Variants in CELSR1 observed in about 807,000 individuals in gnomAD.
CELSR1 encodes cadherin EGF LAG seven-pass G-type receptor 1.
CELSR1 carries 110 observed loss-of-function variants against 249.1 expected under a neutral mutation model. The observed-to-expected ratio is 0.44, with a 90% confidence interval of 0.38 to 0.52. The LOEUF (loss-of-function observed/expected upper bound fraction) is 0.52. CELSR1 is among the 20% of genes least tolerant of loss of function. The pLI is 0.00. For synonymous variants in CELSR1, 2,113 were observed against 1,900.0 expected (o/e 1.11, Z -2.92); for missense variants, 4,109 against 4,296.4 (o/e 0.96, Z 1.22).
rs747755856 is a variant in CELSR1 at position 46,396,677 on chromosome 22, C to T, written c.5771G>A (p.Arg1924His). 1.2e-5 allele frequency: 20 copies of T among 1,612,570 alleles called. No homozygotes were observed. Among genetic ancestry groups the T allele is most frequent in the Admixed American group, 1.2e-4 (7 of 59,842 alleles). The change falls in exon 13 of 35, where the codon CGC becomes CAC. Residue 1924 changes from arginine to histidine, a missense_variant. Physicochemically the swap from Arg to His is conservative, Grantham distance 29. This residue lies in a region of CELSR1 where 1,805 missense variants were observed against 1,831.6 expected (regional missense o/e 0.99). Coordinates refer to ENST00000674500, the MANE Select transcript of CELSR1 (RefSeq NM_001378328.1). The surrounding 1 kb of genome is among the most constrained non-coding windows in gnomAD (Gnocchi z 6.4). ...GTAGCCCTGCGGGGAGCCGGGGGAG[C>T]GCACGCAGGCCCCCATGTTCTCGCA... The part of the protein sequence containing the change: ...NPCENMGACV[R>H]SPGSPQGYVC...
In CELSR1 at chr22:46,390,310, G is replaced by A. The variant is rs1317903430; in HGVS notation, c.6345+82C>T. On this transcript the variant is annotated intron_variant, in intron 17 of 34. Transcript: ENST00000674500. This position sits in a 1 kb window ranked among gnomAD's most constrained non-coding sequence, Gnocchi z 6.3. ...CGCCCCAACACTCCCCAGCCCAGGA[G>A]CCTCGGCCCACACAAACTCTCTCAC... 20 of 1,160,578 alleles carry A rather than the reference G, an allele frequency of 1.7e-5. No homozygotes were observed. The highest frequency in any genetic ancestry group is 1.2e-5 in the Non-Finnish European group (10 of 813,414). 71.9% of individuals were successfully genotyped at this position (1,160,578 alleles called of 1,614,324 possible). A position where few individuals can be genotyped will look rare whatever the true frequency, so the allele number is the denominator to read the frequency against.
At chr22:46,384,047 G>A (rs2079006460) in intron 20 of CELSR1, among the ~76,000 whole-genome samples, 1 of 151,944 alleles carries the variant, frequency 6.6e-6, no homozygotes, top group Non-Finnish European at 1.5e-5. Flanking sequence ...CAATTCTCAT[G>A]CCTCAGCCTC....
Position 46,471,522 on chromosome 22 carries a change from T to A in CELSR1, c.3545-7177A>T, listed in dbSNP as rs959481867. On this transcript the variant is annotated intron_variant, in intron 1 of 34. Transcript: ENST00000674500. This position sits in a 1 kb window ranked among gnomAD's most constrained non-coding sequence, Gnocchi z 4.9. ...CTCCTGCCTCAGCCTCCTGAGAAGC[T>A]AGGACTACAGGAGCATGCCACCATG... is the stretch of plus-strand genomic sequence containing the variant. Among the ~76,000 whole-genome samples the A allele has an allele frequency of 6.6e-6, 1 of 152,154 alleles. No individual in the cohort carries two copies. The highest frequency in any genetic ancestry group is 1.5e-5 in the Non-Finnish European group (1 of 68,032).
At position 46,423,911 on chromosome 22, in the gene CELSR1, G is replaced by A. The variant is rs2079508184; in HGVS notation, c.4611+9482C>T. ...GAATGGCTTGAACTCAGGAGGCGGA[G>A]GTTGCAGTGAGCCGAGATTGTGCCA... On this transcript the variant is annotated intron_variant, in intron 5 of 34. Transcript: ENST00000674500. This position sits in a 1 kb window ranked among gnomAD's most constrained non-coding sequence, Gnocchi z 5.6. 6.6e-6 allele frequency among the ~76,000 whole-genome samples: 1 copy of A among 152,232 alleles called. No individual in the cohort carries two copies. The highest frequency in any genetic ancestry group is 1.9e-4 in the East Asian group (1 of 5,176).
intron 27 of CELSR1, among the ~76,000 whole-genome samples, chr22:46,368,742 C>T (rs1049505064): frequency 2.0e-5 from 3 of 152,038 alleles, no homozygotes; most frequent in Non-Finnish European, 2.9e-5. Flanking sequence ...ACTGGAGGTT[C>T]CCTCTGTGCT....
In CELSR1 at chr22:46,362,900, C is replaced by T; in HGVS notation, c.*323G>A. The T allele has an allele frequency of 2.1e-6, 1 of 478,510 alleles. No homozygotes were observed. Among genetic ancestry groups the T allele is most frequent in the Non-Finnish European group, 3.7e-6 (1 of 267,226 alleles). The allele number at this position is 478,510 out of a possible 1,614,324, so 29.6% of individuals were successfully genotyped here. A position where few individuals can be genotyped will look rare whatever the true frequency, so the allele number is the denominator to read the frequency against. On this transcript the variant is annotated 3_prime_UTR_variant, in exon 35 of 35. Transcript: ENST00000674500. Reference sequence around the variant, plus strand: ...AGCCTCTGGGCCCAGTCTGGGGTCCCCTCTCAGTTCTGGCTTTGACTGCAG... The same window carrying T: ...AGCCTCTGGGCCCAGTCTGGGGTCCTCTCTCAGTTCTGGCTTTGACTGCAG...
rs1028040719 is a variant in CELSR1, at chr22:46,395,870, A to ACAGAGCC, written c.5843+728_5843+734dup. Among the ~76,000 whole-genome samples the ACAGAGCC allele has an allele frequency of 2.0e-5, 3 of 152,338 alleles. No homozygotes were observed. The highest frequency in any genetic ancestry group is 4.8e-5 in the African/African-American group (2 of 41,576). On this transcript the variant is annotated intron_variant, in intron 13 of 34. Transcript: ENST00000674500. This position sits in a 1 kb window ranked among gnomAD's most constrained non-coding sequence, Gnocchi z 5.5. Reference sequence around the variant, plus strand: ...ACCCAGCGATCCCCGTGCAAAGGGTACAGAGCCCAGAGCCCAGAGAGCACG... The same window carrying ACAGAGCC: ...ACCCAGCGATCCCCGTGCAAAGGGTACAGAGCCCAGAGCCCAGAGCCCAGAGAGCACG...
In CELSR1 at chr22:46,488,058, A is replaced by C. The variant is rs918208206; in HGVS notation, c.3545-23713T>G. On this transcript the variant is annotated intron_variant, in intron 1 of 34. Transcript: ENST00000674500. The surrounding 1 kb of genome is among the most constrained non-coding windows in gnomAD (Gnocchi z 4.7). ...CAGGGTGCTGACAGGATCAGCTGACAGGGGCGTGAGGGAGGGGTGTCAAGT... is the reference window on the plus strand; with the variant it reads ...CAGGGTGCTGACAGGATCAGCTGACCGGGGCGTGAGGGAGGGGTGTCAAGT... Among the ~76,000 whole-genome samples, 1 of 131,762 alleles carries C rather than the reference A, an allele frequency of 7.6e-6. No homozygotes were observed. Among genetic ancestry groups the C allele is most frequent in the African/African-American group, 3.1e-5 (1 of 32,174 alleles). 86.4% of individuals were successfully genotyped at this position (131,762 alleles called of 152,430 possible).
chr22:46,466,517 G>C (rs552173355), intron 1 of CELSR1, among the ~76,000 whole-genome samples: 1 of 152,166 alleles, frequency 6.6e-6, no homozygotes, highest in African/African-American at 2.4e-5. Context: ...GTGACCCACC[G>C]GGCTGCTGAG....
At chr22:46,504,234 C>T (rs1200095938) in intron 1 of CELSR1, among the ~76,000 whole-genome samples, 1 of 151,782 alleles carries the variant, frequency 6.6e-6, no homozygotes, top group African/African-American at 2.4e-5. Context: ...GAATGGCTGG[C>T]CAAGCGCAGT....
Position 46,447,583 on chromosome 22 carries a change from C to A in CELSR1, c.4184-8172G>T, listed in dbSNP as rs979696221. Among the ~76,000 whole-genome samples, 1 of 152,194 alleles carries A rather than the reference C, an allele frequency of 6.6e-6. No individual in the cohort carries two copies. The highest frequency in any genetic ancestry group is 1.5e-5 in the Non-Finnish European group (1 of 68,034). On this transcript the variant is annotated intron_variant, in intron 2 of 34. Transcript: ENST00000674500. The surrounding 1 kb of genome is among the most constrained non-coding windows in gnomAD (Gnocchi z 4.7). ...GCATGCAGCCTGCCAAAAGCTCCCC[C>A]TCTCCCCGTAGGAGGGACGCAGGGC...
At position 46,363,594 on chromosome 22, in the gene CELSR1, G is replaced by A; in HGVS notation, c.9036-347C>T. The stretch of plus-strand genomic sequence containing the variant: ...AGGGAGGGGCGACAGGGAGAGGTCT[G>A]GGGCCAGGACCCCAGCTCCACCCCG... On this transcript the variant is annotated intron_variant, in intron 34 of 34. Transcript: ENST00000674500. The surrounding 1 kb of genome is among the most constrained non-coding windows in gnomAD (Gnocchi z 4.3). 2.7e-6 allele frequency: 1 copy of A among 366,144 alleles called. No individual in the cohort carries two copies. The highest frequency in any genetic ancestry group is 5.0e-6 in the Non-Finnish European group (1 of 198,656). The allele number at this position is 366,144 out of a possible 1,614,324, so 22.7% of individuals were successfully genotyped here.
intron 2 of CELSR1, among the ~76,000 whole-genome samples, chr22:46,455,086 T>A (rs1017147304): frequency 6.6e-6 from 1 of 152,076 alleles, no homozygotes; most frequent in Non-Finnish European, 1.5e-5. Context: ...CAGTGATGCA[T>A]CCGTGAGTCA....
At chr22:46,444,942 G>T (rs965951112) in intron 2 of CELSR1, among the ~76,000 whole-genome samples, 3 of 152,138 alleles carry the variant, frequency 2.0e-5, no homozygotes, top group African/African-American at 7.2e-5. Flanking sequence ...GCGGTGGCTC[G>T]TGCCTGTAAT....
Position 46,409,707 on chromosome 22 carries a change from C to A in CELSR1, c.5059+48G>T, listed in dbSNP as rs763400495. 1 of 1,605,402 alleles carries A rather than the reference C, an allele frequency of 6.2e-7. No homozygotes were observed. The highest frequency in any genetic ancestry group is 1.1e-5 in the South Asian group (1 of 91,002). On this transcript the variant is annotated intron_variant, in intron 8 of 34. Transcript: ENST00000674500. The surrounding 1 kb of genome is among the most constrained non-coding windows in gnomAD (Gnocchi z 9.8). ...GTCCCGGGCACATCAAGGAGCAATG[C>A]CTCCCAGGCCGCCGTGACCGGGGGG...
rs1417665452 is a variant in CELSR1, at chr22:46,488,948, C to G, written c.3545-24603G>C. Among the ~76,000 whole-genome samples the G allele has an allele frequency of 6.6e-6, 1 of 152,046 alleles. No individual in the cohort carries two copies. The highest frequency in any genetic ancestry group is 1.5e-5 in the Non-Finnish European group (1 of 68,004). On this transcript the variant is annotated intron_variant, in intron 1 of 34. Coordinates refer to ENST00000674500, the MANE Select transcript of CELSR1 (RefSeq NM_001378328.1). The surrounding 1 kb of genome is among the most constrained non-coding windows in gnomAD (Gnocchi z 4.7). ...TGTTGGGATTACAGGCGGAAGCCACCACGCCCAGCCCAGCCCTGCCCTTTT... is the reference window on the plus strand; with the variant it reads ...TGTTGGGATTACAGGCGGAAGCCACGACGCCCAGCCCAGCCCTGCCCTTTT...
At position 46,464,152 on chromosome 22, in the gene CELSR1, G is replaced by A. The variant is rs35364113; in HGVS notation, c.3738C>T (p.Asn1246=). The A allele has an allele frequency of 8.9e-4, 1,443 of 1,613,822 alleles. 10 individuals are homozygous for A. In the African/African-American group the frequency reaches 0.017, roughly 19 times the overall value. Reference sequence around the variant, plus strand: ...AGCTGACGTCGGTGTCGTTCTGGACGTTGAAGACGAAGACGTCGTCCTTGG... The same window carrying A: ...AGCTGACGTCGGTGTCGTTCTGGACATTGAAGACGAAGACGTCGTCCTTGG... The part of the protein sequence containing the change: ...STTKDDVFVF[N]VQNDTDVSSN... Residue 1246 remains asparagine (N), a synonymous_variant, in exon 2 of 35, where the codon AAC becomes AAT. Coordinates refer to ENST00000674500, the MANE Select transcript of CELSR1 (RefSeq NM_001378328.1). The surrounding 1 kb of genome is among the most constrained non-coding windows in gnomAD (Gnocchi z 8.5).
chr22:46,423,292 C>T lies in CELSR1; in HGVS notation c.4611+10101G>A, dbSNP rs1249065806. Among the ~76,000 whole-genome samples the T allele has an allele frequency of 1.3e-5, 2 of 152,208 alleles. No homozygotes were observed. Among genetic ancestry groups the T allele is most frequent in the East Asian group, 1.9e-4 (1 of 5,202 alleles). ...ACCAGCAGCCAAACCACTGCATCAC[C>T]AGGAATAATAAATATCTGATCAAGA... On this transcript the variant is annotated intron_variant, in intron 5 of 34. Coordinates refer to ENST00000674500, the MANE Select transcript of CELSR1 (RefSeq NM_001378328.1). The surrounding 1 kb of genome is among the most constrained non-coding windows in gnomAD (Gnocchi z 5.6).
intron 1 of CELSR1, among the ~76,000 whole-genome samples, chr22:46,528,297 T>C (rs2080758284): frequency 6.6e-6 from 1 of 152,142 alleles, no homozygotes; most frequent in South Asian, 2.1e-4. Flanking sequence ...CTAGACGACT[T>C]TATACCATCC....
Sources: allele counts gnomAD v4.1 joint callset (sites outside exome capture counted in the v4.1 genomes callset), GRCh38; gene constraint gnomAD v4.1.1; regional missense constraint gnomAD v4.1.1; non-coding constraint Gnocchi (gnomAD v3.1); transcripts MANE v1.5; gene names NCBI Gene and HGNC (gene_info 2026-07-23, HGNC 2026-07-21).